Variants in SH3BGRL2 observed in about 807,000 individuals in gnomAD.
SH3BGRL2 encodes SH3 domain-binding glutamic acid-rich-like protein 2.
Under a neutral mutation model 14.8 loss-of-function variants are expected in SH3BGRL2, and 21 were observed. That is an observed-to-expected ratio of 1.42 (90% CI 1.01 to 2.05). The LOEUF (loss-of-function observed/expected upper bound fraction) is 2.05. SH3BGRL2 is among the 30% of genes most tolerant of loss of function. The pLI, the probability that SH3BGRL2 is intolerant of heterozygous loss-of-function variation, is 0.00. For synonymous variants in SH3BGRL2, 50 were observed against 47.8 expected (o/e 1.05, Z -0.19); for missense variants, 147 against 130.8 (o/e 1.12, Z -0.61).
chr6:79,554,924 ATAT>A, the SH3BGRL2 span, among the ~76,000 whole-genome samples: 19,298 of 152,064 alleles, frequency 0.13, 2,022 homozygotes, highest in East Asian at 0.58. Context: ...ATATGCACAA[ATAT>A]TATTATTACA....
chr6:79,649,000 A>C (rs1441006858), intron 1 of SH3BGRL2, among the ~76,000 whole-genome samples: 2 of 152,172 alleles, frequency 1.3e-5, no homozygotes, highest in African/African-American at 4.8e-5. Context: ...AGCCACTGAG[A>C]GGTGATTAGC....
the SH3BGRL2 span, among the ~76,000 whole-genome samples, chr6:79,571,241 A>AT: frequency 6.6e-6 from 1 of 152,216 alleles, no homozygotes. Context: ...ATTCTCCTGA[A>AT]TGAACGTCTC....
intron 1 of SH3BGRL2, among the ~76,000 whole-genome samples, chr6:79,657,058 G>A (rs907034327): frequency 6.6e-6 from 1 of 152,206 alleles, no homozygotes; most frequent in Non-Finnish European, 1.5e-5. Context: ...TGAGGTTGCA[G>A]TCAATTCTGA....
chr6:79,619,153 A>C, the SH3BGRL2 span, among the ~76,000 whole-genome samples: 3 of 152,044 alleles, frequency 2.0e-5, no homozygotes, highest in East Asian at 5.8e-4. Context: ...AAAATCTACT[A>C]TATTCATTCA....
the SH3BGRL2 span, among the ~76,000 whole-genome samples, chr6:79,596,111 C>T: frequency 6.6e-6 from 1 of 152,136 alleles, no homozygotes; most frequent in African/African-American, 2.4e-5. Context: ...AATACTTGTA[C>T]ATTAATAGAA....
the SH3BGRL2 span, among the ~76,000 whole-genome samples, chr6:79,624,200 T>G: frequency 6.6e-6 from 1 of 151,662 alleles, no homozygotes; most frequent in African/African-American, 2.4e-5. Flanking sequence ...CTTTATTTTA[T>G]TATAGTGTTG....
At chr6:79,656,095 A>C (rs1769409062) in intron 1 of SH3BGRL2, among the ~76,000 whole-genome samples, 1 of 152,242 alleles carries the variant, frequency 6.6e-6, no homozygotes, top group Non-Finnish European at 1.5e-5. Context: ...GGTTTTTTAA[A>C]GAAATTCATT....
chr6:79,544,688 C>A, the SH3BGRL2 span, among the ~76,000 whole-genome samples: 4 of 151,988 alleles, frequency 2.6e-5, no homozygotes, highest in Admixed American at 1.3e-4. Context: ...TAGTAAAAAT[C>A]AAAAATAAAC....
the SH3BGRL2 span, among the ~76,000 whole-genome samples, chr6:79,571,499 G>T: frequency 6.6e-6 from 1 of 151,888 alleles, no homozygotes; most frequent in African/African-American, 2.4e-5. Context: ...GCTTTATTGA[G>T]GTATAATTGG....
chr6:79,541,362 A>G, the SH3BGRL2 span, among the ~76,000 whole-genome samples: 1 of 152,178 alleles, frequency 6.6e-6, no homozygotes, highest in Admixed American at 6.5e-5. Context: ...AAAAAAAAGA[A>G]TGCATTGGTT....
the SH3BGRL2 span, among the ~76,000 whole-genome samples, chr6:79,545,193 C>T: frequency 6.6e-6 from 1 of 152,204 alleles, no homozygotes; most frequent in Middle Eastern, 3.2e-3. Context: ...GAGTTCCTCC[C>T]CTTCTCTGGC....
the SH3BGRL2 span, among the ~76,000 whole-genome samples, chr6:79,590,260 A>G: frequency 6.6e-5 from 10 of 151,890 alleles, no homozygotes; most frequent in Admixed American, 5.2e-4. Flanking sequence ...CAGAACTACC[A>G]TTCAACTCAG....
At chr6:79,559,580 G>A in the SH3BGRL2 span, among the ~76,000 whole-genome samples, 19 of 152,122 alleles carry the variant, frequency 1.2e-4, no homozygotes, top group Non-Finnish European at 2.4e-4. Flanking sequence ...ACAATACTTC[G>A]TATTAGACTA....
At chr6:79,546,699 CTTTT>C in the SH3BGRL2 span, among the ~76,000 whole-genome samples, 1 of 143,874 alleles carries the variant, frequency 7.0e-6, no homozygotes, top group Admixed American at 7.0e-5. Context: ...AGTAGCAACT[CTTTT>C]TTTTTTTTTT....
At chr6:79,584,159 A>T in the SH3BGRL2 span, among the ~76,000 whole-genome samples, 1 of 152,056 alleles carries the variant, frequency 6.6e-6, no homozygotes, top group Non-Finnish European at 1.5e-5. Context: ...AACGTTTTAT[A>T]TTTTCTACTT....
the SH3BGRL2 span, among the ~76,000 whole-genome samples, chr6:79,608,726 G>A: frequency 1.3e-5 from 2 of 152,230 alleles, no homozygotes; most frequent in Non-Finnish European, 2.9e-5. Flanking sequence ...CAGGAAGCTG[G>A]CTTCTCACCC....
chr6:79,582,757 A>G, the SH3BGRL2 span, among the ~76,000 whole-genome samples: 7 of 152,226 alleles, frequency 4.6e-5, no homozygotes, highest in African/African-American at 1.4e-4. Flanking sequence ...ACCAAAAGCA[A>G]TGGCAACAAA....
chr6:79,635,086 G>A (rs1659616304), intron 1 of SH3BGRL2, among the ~76,000 whole-genome samples: 1 of 152,168 alleles, frequency 6.6e-6, no homozygotes, highest in South Asian at 2.1e-4. Context: ...GCTGCCTGGA[G>A]CCTTTTGTTT....
At chr6:79,589,856 C>G in the SH3BGRL2 span, among the ~76,000 whole-genome samples, 7 of 152,184 alleles carry the variant, frequency 4.6e-5, no homozygotes, top group Non-Finnish European at 8.8e-5. Context: ...GCTGCAGCCT[C>G]AACCTCCTGG....
Sources: gnomAD v4.1 joint callset for allele counts (sites outside exome capture counted in the v4.1 genomes callset) on GRCh38, gnomAD v4.1.1 for gene constraint, MANE v1.5 for transcripts, NCBI Gene and HGNC (gene_info 2026-07-23, HGNC 2026-07-21) for gene names.